The following FLACC1 variants were observed in gnomAD, a reference collection of about 807,000 sequenced individuals.
The protein encoded by FLACC1 is flagellum-associated coiled-coil domain-containing protein 1.
FLACC1 carries 66 observed loss-of-function variants against 62.8 expected under a neutral mutation model. The ratio of observed to expected loss-of-function variants is 1.05; its 90% CI spans 0.86 to 1.29. The LOEUF is 1.29. FLACC1 is among the 50% of genes most tolerant of loss of function. The probability of loss-of-function intolerance (pLI) is 0.00; values close to 1 mark genes in which losing one functional copy is unlikely to be tolerated. For missense variants in FLACC1, 452 were observed against 489.1 expected, an observed-to-expected ratio of 0.92 and a Z score of 0.71; for synonymous variants, 156 against 161.0, an observed-to-expected ratio of 0.97 and a Z score of 0.24.
At chr2:201,351,548 A>G in intron 1 of FLACC1, 97 bp from the exon 2 acceptor site, 1 of 641,950 alleles carries the variant, frequency 1.6e-6, no homozygotes, top group Non-Finnish European at 2.7e-6. Context: ...CCAAAGAACA[A>G]TGGTAGATTC....
intron 7 of FLACC1, among the ~76,000 whole-genome samples, chr2:201,340,485 G>C (rs1425754474): frequency 6.6e-6 from 1 of 152,132 alleles, no homozygotes; most frequent in African/African-American, 2.4e-5. Flanking sequence ...AACAAGTTTA[G>C]TTGCAAGCAA....
chr2:201,322,575 A>G (rs1178991996), intron 9 of FLACC1, among the ~76,000 whole-genome samples: 1 of 152,200 alleles, frequency 6.6e-6, no homozygotes, highest in African/African-American at 2.4e-5. Flanking sequence ...AAACAAACAC[A>G]AAAAGAAACA....
chr2:201,321,347 C>T (rs568193650), intron 9 of FLACC1, among the ~76,000 whole-genome samples: 1 of 152,152 alleles, frequency 6.6e-6, no homozygotes, highest in African/African-American at 2.4e-5. Flanking sequence ...CAAGAGAACA[C>T]CCTGTGGGAG....
At chr2:201,308,234 T>C (rs747190932) in intron 10 of FLACC1, among the ~76,000 whole-genome samples, 1 of 152,202 alleles carries the variant, frequency 6.6e-6, no homozygotes, top group Non-Finnish European at 1.5e-5. Context: ...CATCTTTACT[T>C]AGACTTTAGC....
At position 201,324,857 on chromosome 2, in the gene FLACC1, G is replaced by A. The variant is rs564921498; in HGVS notation, c.675+5613C>T. On this transcript the variant is annotated intron_variant, in intron 9 of 14. Coordinates refer to ENST00000392257, the MANE Select transcript of FLACC1 (RefSeq NM_001127391.3). ...AAAACCTCTGGGATAGGTGGGGTTC[G>A]GTGGCTCATGCCTGTAATTCTAGCA... is the stretch of plus-strand genomic sequence containing the variant. 7.2e-5 allele frequency among the ~76,000 whole-genome samples: 11 copies of A among 152,210 alleles called. No homozygotes were observed. In the South Asian group the frequency reaches 8.3e-4, roughly 11 times the overall value.
Position 201,326,009 on chromosome 2 carries a change from T to A in FLACC1, c.675+4461A>T, listed in dbSNP as rs1487961085. ...TTGTCCCAGGGAGGCAGGGATGGTT[T>A]AACACACACAAGTCAATAAATGTGA... On this transcript the variant is annotated intron_variant, in intron 9 of 14. Transcript: ENST00000392257. This position sits in a 1 kb window ranked among gnomAD's most constrained non-coding sequence, Gnocchi z 4.1. Among the ~76,000 whole-genome samples the A allele has an allele frequency of 6.6e-6, 1 of 152,096 alleles. No homozygotes were observed. Among genetic ancestry groups the A allele is most frequent in the Non-Finnish European group, 1.5e-5 (1 of 68,000 alleles).
chr2:201,357,882 T>C (rs1951144148), upstream of FLACC1, among the ~76,000 whole-genome samples: 1 of 152,212 alleles, frequency 6.6e-6, no homozygotes, highest in African/African-American at 2.4e-5. Flanking sequence ...GCTTTCATTT[T>C]AGTTTTACTG....
intron 9 of FLACC1, among the ~76,000 whole-genome samples, chr2:201,315,796 T>A (rs1167640416): frequency 6.6e-6 from 1 of 152,176 alleles, no homozygotes; most frequent in African/African-American, 2.4e-5. Context: ...ATAGACCATA[T>A]GATAGGCCAC....
intron 12 of FLACC1, among the ~76,000 whole-genome samples, chr2:201,296,098 G>C (rs1188940343): frequency 6.6e-6 from 1 of 152,202 alleles, no homozygotes; most frequent in Non-Finnish European, 1.5e-5. Context: ...GTGGAAGTCA[G>C]TGTGGCGATT....
chr2:201,294,332 T>C (rs780215719), intron 12 of FLACC1, among the ~76,000 whole-genome samples: 2 of 152,178 alleles, frequency 1.3e-5, no homozygotes, highest in Non-Finnish European at 2.9e-5. Flanking sequence ...CATGATCAAG[T>C]GGGCTTCATC....
At chr2:201,299,120 C>A in intron 12 of FLACC1, 118 bp downstream of exon 12, 2 of 983,132 alleles carry the variant, frequency 2.0e-6, no homozygotes. Flanking sequence ...AGCTTTAGGT[C>A]TTCCATTTCT....
At chr2:201,348,511 G>A (rs1417026733) in intron 3 of FLACC1, among the ~76,000 whole-genome samples, 5 of 152,114 alleles carry the variant, frequency 3.3e-5, no homozygotes, top group African/African-American at 1.2e-4. Flanking sequence ...TGCCCAAGGA[G>A]GCAAAAGACT....
intron 11 of FLACC1, among the ~76,000 whole-genome samples, chr2:201,306,186 C>T (rs1950102253): frequency 6.6e-6 from 1 of 151,748 alleles, no homozygotes; most frequent in African/African-American, 2.4e-5. Flanking sequence ...ACAATCATGG[C>T]AGAAGGTAAA....
chr2:201,331,532 A>C (rs547620672), intron 7 of FLACC1, among the ~76,000 whole-genome samples: 1 of 152,214 alleles, frequency 6.6e-6, no homozygotes, highest in Non-Finnish European at 1.5e-5. Flanking sequence ...AAATGAGTCC[A>C]TATGAGCTAT....
At chr2:201,352,681 T>C (rs533713992) in intron 1 of FLACC1, among the ~76,000 whole-genome samples, 48 of 152,302 alleles carry the variant, frequency 3.2e-4, no homozygotes, top group African/African-American at 1.1e-3. Context: ...CCTGATGATA[T>C]TGACAGGCAG....
At chr2:201,289,391 C>T (rs1559380594) in intron 14 of FLACC1, 66 bp downstream of exon 14, 3 of 1,469,038 alleles carry the variant, frequency 2.0e-6, no homozygotes, top group Non-Finnish European at 2.8e-6. Context: ...CTAACCCATT[C>T]CTCACTCAAA....
intron 14 of FLACC1, 87 bp from the exon 15 acceptor site, chr2:201,288,868 C>T: frequency 1.4e-6 from 2 of 1,444,830 alleles, no homozygotes; most frequent in Middle Eastern, 2.4e-4. Flanking sequence ...GAGAAATGTG[C>T]CTTCGTTCCT....
At chr2:201,355,701 A>C (rs1242966093) in intron 1 of FLACC1, among the ~76,000 whole-genome samples, 2 of 152,064 alleles carry the variant, frequency 1.3e-5, no homozygotes, top group Non-Finnish European at 2.9e-5. Flanking sequence ...ATCTACAAAA[A>C]ATTTTAAAAA....
In FLACC1 at chr2:201,288,772, TATC is replaced by T; in HGVS notation, c.1149_1151del (p.Ile385del). On this transcript the variant is annotated inframe_deletion, in exon 15 of 15. Transcript: ENST00000392257. ...CACAAATTTCTTCATTCTTAGAAAT[TATC>T]TTTTGCCTGTAAAAAGAAAGGAAAG... 1.9e-6 allele frequency: 3 copies of T among 1,613,536 alleles called. No individual in the cohort carries two copies. Among genetic ancestry groups the T allele is most frequent in the Non-Finnish European group, 2.5e-6 (3 of 1,179,974 alleles).
Sources: allele counts gnomAD v4.1 joint callset (sites outside exome capture counted in the v4.1 genomes callset), GRCh38; gene constraint gnomAD v4.1.1; non-coding constraint Gnocchi (gnomAD v3.1); transcripts MANE v1.5; gene names NCBI Gene and HGNC (gene_info 2026-07-23, HGNC 2026-07-21).